The following TAF5 variants were observed in gnomAD, a reference collection of about 807,000 sequenced individuals.
The protein encoded by TAF5 is TATA-box binding protein associated factor 5.
Under a neutral mutation model 80.9 loss-of-function variants are expected in TAF5, and 20 were observed. The observed-to-expected ratio is 0.25, with a 90% CI of 0.17 to 0.36. The LOEUF (loss-of-function observed/expected upper bound fraction) is 0.36, where lower values mean the gene tolerates loss of function less well. Ranked by LOEUF, TAF5 falls within the 10% of genes least tolerant of loss-of-function variation. TAF5 has a pLI of 1.00. For synonymous variants in TAF5, 388 were observed against 406.4 expected, an observed-to-expected ratio of 0.95 and a Z score of 0.55; for missense variants, 863 against 1,029.4, an observed-to-expected ratio of 0.84 and a Z score of 2.21.
intron 8 of TAF5, among the ~76,000 whole-genome samples, 165 bp from the exon 9 acceptor site, chr10:103,387,010 G>T (rs2093398101): frequency 6.6e-6 from 1 of 151,418 alleles, no homozygotes; most frequent in African/African-American, 2.4e-5. Context: ...TGAACTCTTA[G>T]GACTGTGAGT....
intron 1 of TAF5, among the ~76,000 whole-genome samples, chr10:103,372,556 G>C (rs1401690251): frequency 6.6e-6 from 1 of 150,412 alleles, no homozygotes; most frequent in Non-Finnish European, 1.5e-5. Context: ...GGATGGCCTC[G>C]ATCTCCTGAC....
intron 1 of TAF5, among the ~76,000 whole-genome samples, chr10:103,371,948 T>G (rs1432480760): frequency 6.6e-6 from 1 of 152,044 alleles, no homozygotes; most frequent in Non-Finnish European, 1.5e-5. Context: ...ATTGTTTTTT[T>G]TTTTTTTGAG....
At chr10:103,385,536 A>G (rs1592096044) in intron 8 of TAF5, 46 bp downstream of exon 8, 1 of 1,588,288 alleles carries the variant, frequency 6.3e-7, no homozygotes, top group Non-Finnish European at 8.6e-7. Context: ...AATGAACAGA[A>G]TGGTTTCTTG....
intron 5 of TAF5, among the ~76,000 whole-genome samples, chr10:103,380,346 T>C (rs1469616208): frequency 3.9e-5 from 6 of 152,146 alleles, no homozygotes; most frequent in Non-Finnish European, 1.5e-5. Context: ...GCCAGGATGG[T>C]CTCGATCTCC....
chr10:103,387,110 AGATTTTTGGC>A, intron 8 of TAF5, 55 bp from the exon 9 acceptor site: 1 of 1,475,886 alleles, frequency 6.8e-7, no homozygotes, highest in Non-Finnish European at 9.2e-7. Context: ...TATTTTGTAT[AGATTTTTGGC>A]GTTTCACAGC....
Position 103,385,683 on chromosome 10 carries a change from G to C in TAF5, c.1829+193G>C, listed in dbSNP as rs943460225. ...CTTATGCCTGTAATCCCAGCACTTT[G>C]GGAGGCCGAGGTGGATGGATCACCT... On this transcript the variant is annotated intron_variant, in intron 8 of 10. Transcript: ENST00000369839. Among the ~76,000 whole-genome samples the C allele has an allele frequency of 2.0e-5, 3 of 151,984 alleles. No individual in the cohort carries two copies. In the South Asian group the frequency reaches 6.2e-4, roughly 32 times the overall value.
In TAF5 at chr10:103,379,962, C is replaced by T. The variant is rs2093378734; in HGVS notation, c.1356C>T (p.Arg452=). ...MNMKETTKRV[R]LGPDCLPSIC... Reference sequence around the variant, plus strand: ...TGAAAGAAACCACCAAACGAGTGCGCCTTGGGCCGGACTGCTTACCCTCCA... The same window carrying T: ...TGAAAGAAACCACCAAACGAGTGCGTCTTGGGCCGGACTGCTTACCCTCCA... Residue 452 remains arginine, a synonymous_variant, in exon 5 of 11, where the codon CGC becomes CGT. Coordinates refer to ENST00000369839, the MANE Select transcript of TAF5 (RefSeq NM_006951.5). 4 of 1,614,024 alleles carry T rather than the reference C, an allele frequency of 2.5e-6. No individual in the cohort carries two copies. Among genetic ancestry groups the T allele is most frequent in the Admixed American group, 3.3e-5 (2 of 59,996 alleles).
Position 103,378,073 on chromosome 10 carries a change from A to T in TAF5, c.798-162A>T, listed in dbSNP as rs950870038. 1.3e-5 allele frequency among the ~76,000 whole-genome samples: 2 copies of T among 152,246 alleles called. No individual in the cohort carries two copies. The highest frequency in any genetic ancestry group is 2.9e-5 in the Non-Finnish European group (2 of 68,040). On this transcript the variant is annotated intron_variant, in intron 2 of 10. Transcript: ENST00000369839. This position sits in a 1 kb window ranked among gnomAD's most constrained non-coding sequence, Gnocchi z 4.1. ...TTAGAATAAATTCAGAAACTGAATTATAGTCATTTTGAAATGAGTTACTTC... is the reference window on the plus strand; with the variant it reads ...TTAGAATAAATTCAGAAACTGAATTTTAGTCATTTTGAAATGAGTTACTTC...
rs1216744009 is a variant in TAF5 at position 103,385,486 on chromosome 10, G to A, written c.1825G>A (p.Ala609Thr). ...YFVSGGHDRV[A>T]RLWATDHYQP... ...TGTGTCAGGGGGCCATGACCGAGTA[G>A]CTCGGTAAGAACACTGTGATCTTAT... The change falls in exon 8 of 11, where the codon GCT becomes ACT. Residue 609 changes from alanine (A) to threonine (T), a missense_variant. Coordinates refer to ENST00000369839, the MANE Select transcript of TAF5 (RefSeq NM_006951.5). 1 of 1,613,838 alleles carries A rather than the reference G, an allele frequency of 6.2e-7. No individual in the cohort carries two copies. Among genetic ancestry groups the A allele is most frequent in the Non-Finnish European group, 8.5e-7 (1 of 1,179,914 alleles).
chr10:103,380,083 G>T (rs1377913734), intron 5 of TAF5, 64 bp downstream of exon 5: 6 of 1,521,304 alleles, frequency 3.9e-6, no homozygotes, highest in Non-Finnish European at 4.4e-6. Flanking sequence ...TTACCATTAA[G>T]AGAGAAACAA....
rs2093350495 is a variant in TAF5, at chr10:103,368,391, A to AGAGGTGGACAGCGCCGGCGCT, written c.409_429dup (p.Asp137_Val143dup). On this transcript the variant is annotated inframe_insertion, in exon 1 of 11. Transcript: ENST00000369839. Reference sequence around the variant, plus strand: ...CAGTGGCGGGCTCCGGAGCCCCGGGAGAGGTGGACAGCGCCGGCGCTGAGG... The same window carrying AGAGGTGGACAGCGCCGGCGCT: ...CAGTGGCGGGCTCCGGAGCCCCGGGAGAGGTGGACAGCGCCGGCGCTGAGGTGGACAGCGCCGGCGCTGAGG... 7.9e-7 allele frequency: 1 copy of AGAGGTGGACAGCGCCGGCGCT among 1,266,332 alleles called. No individual in the cohort carries two copies. Among genetic ancestry groups the AGAGGTGGACAGCGCCGGCGCT allele is most frequent in the African/African-American group, 1.6e-5 (1 of 63,042 alleles). 78.4% of individuals were successfully genotyped at this position (1,266,332 alleles called of 1,614,324 possible). A position where few individuals can be genotyped will look rare whatever the true frequency, so the allele number is the denominator to read the frequency against.
chr10:103,379,796 G>C (rs770848452), intron 4 of TAF5, 25 bp downstream of exon 4: 1 of 1,591,870 alleles, frequency 6.3e-7, no homozygotes, highest in South Asian at 1.2e-5. Context: ...TCAGGAACTT[G>C]TGTGTGGAGG....
At chr10:103,370,329 T>C (rs979352235) in intron 1 of TAF5, among the ~76,000 whole-genome samples, 15 of 136,718 alleles carry the variant, frequency 1.1e-4, no homozygotes, top group African/African-American at 4.1e-4. Flanking sequence ...ATGAGGCTTT[T>C]TTTTTTTTTT....
Position 103,368,361 on chromosome 10 carries a change from G to A in TAF5, c.372G>A (p.Glu124=). 1 of 1,576,342 alleles carries A rather than the reference G, an allele frequency of 6.3e-7. No individual in the cohort carries two copies. The highest frequency in any genetic ancestry group is 2.3e-5 in the East Asian group (1 of 43,846). ...EALRREAGLL[E]EAVAGSGAPG... ...TGCGCCGTGAGGCCGGGCTGCTGGA[G>A]GAGGCAGTGGCGGGCTCCGGAGCCC... Residue 124 remains glutamate, a synonymous_variant, in exon 1 of 11, where the codon GAG becomes GAA. Coordinates refer to ENST00000369839, the MANE Select transcript of TAF5 (RefSeq NM_006951.5).
At position 103,387,510 on chromosome 10, in the gene TAF5, C is replaced by A. The variant is rs535766654; in HGVS notation, c.2008-11C>A. 2.2e-5 allele frequency: 35 copies of A among 1,600,946 alleles called. No homozygotes were observed. In the South Asian group the frequency reaches 3.5e-4, roughly 16 times the overall value. ...GACATACTTTGATCTTTTCTATGAACTTTTTTCTAGGGACCAATTCATTCC... is the reference window on the plus strand; with the variant it reads ...GACATACTTTGATCTTTTCTATGAAATTTTTTCTAGGGACCAATTCATTCC... On this transcript the variant is annotated splice_polypyrimidine_tract_variant and intron_variant, in intron 9 of 10. Transcript: ENST00000369839.
chr10:103,373,441 G>A lies in TAF5; in HGVS notation c.643G>A (p.Glu215Lys), dbSNP rs747771799. 3 of 1,614,176 alleles carry A rather than the reference G, an allele frequency of 1.9e-6. No individual in the cohort carries two copies. In the South Asian group the frequency reaches 3.3e-5, roughly 18 times the overall value. ...YNQQGDPTMY[E>K]EYYSGLKHFI... The stretch of plus-strand genomic sequence containing the variant: ...CCAACAAGGAGATCCCACAATGTAT[G>A]AAGAATACTATAGTGGACTGAAACA... The change falls in exon 2 of 11, where the codon GAA (glutamate) becomes AAA (lysine). Residue 215 changes from glutamate (E) to lysine (K), a missense_variant. Coordinates refer to ENST00000369839, the MANE Select transcript of TAF5 (RefSeq NM_006951.5).
rs200754540 is a variant in TAF5, at chr10:103,381,794, T to C, written c.1487T>C (p.Val496Ala). The C allele has an allele frequency of 7.2e-5, 117 of 1,614,032 alleles. No individual in the cohort carries two copies. The highest frequency in any genetic ancestry group is 8.1e-5 in the Non-Finnish European group (96 of 1,180,036). ...AGGFADSTVR[V>A]WSVTPKKLRS... ...GGTTTTGCAGATTCAACTGTCAGAG[T>C]GTGGTCGGTAACACCCAAAAAGCTT... Residue 496 changes from valine to alanine, a missense_variant, in exon 6 of 11, where the codon GTG becomes GCG. Transcript: ENST00000369839.
At chr10:103,380,637 C>T (rs570309290) in intron 5 of TAF5, among the ~76,000 whole-genome samples, 72 of 148,496 alleles carry the variant, frequency 4.8e-4, no homozygotes, top group Middle Eastern at 7.0e-3. Flanking sequence ...TTTTTTGAGA[C>T]AGAGTTTTGT....
At chr10:103,379,282 G>A (rs1326176212) in intron 3 of TAF5, among the ~76,000 whole-genome samples, 1 of 152,172 alleles carries the variant, frequency 6.6e-6, no homozygotes, top group Non-Finnish European at 1.5e-5. Context: ...GAGGACAAAA[G>A]GCATATCTCT....
Sources: gnomAD v4.1 joint callset for allele counts (sites outside exome capture counted in the v4.1 genomes callset) on GRCh38, gnomAD v4.1.1 for gene constraint, Gnocchi (gnomAD v3.1) non-coding constraint, MANE v1.5 for transcripts, NCBI Gene and HGNC (gene_info 2026-07-23, HGNC 2026-07-21) for gene names.